The following SLC8A1 variants were observed in gnomAD, a reference collection of about 807,000 sequenced individuals.
SLC8A1 encodes the protein solute carrier family 8 member A1.
SLC8A1 carries 18 observed loss-of-function variants against 68.3 expected under a neutral mutation model. The observed-to-expected ratio is 0.26, with a 90% CI of 0.18 to 0.39. The LOEUF is 0.39. Ranked by LOEUF, SLC8A1 falls within the 10% of genes least tolerant of loss-of-function variation. The probability of loss-of-function intolerance (pLI) is 1.00; values close to 1 mark genes in which losing one functional copy is unlikely to be tolerated. For missense variants in SLC8A1, 985 were observed against 1,156.7 expected, an observed-to-expected ratio of 0.85 and a Z score of 2.15; for synonymous variants, 475 against 415.5, an observed-to-expected ratio of 1.14 and a Z score of -1.74.
chr2:40,122,195 C>T (rs1226510382), intron 7 of SLC8A1, among the ~76,000 whole-genome samples: 2 of 116,094 alleles, frequency 1.7e-5, no homozygotes, highest in Non-Finnish European at 3.9e-5. Flanking sequence ...CTCACAAGTG[C>T]ATGCGCGCGC....
intron 7 of SLC8A1, 148 bp downstream of exon 10, chr2:40,139,253 G>A (rs957874860): frequency 5.3e-5 from 46 of 862,304 alleles, no homozygotes; most frequent in South Asian, 5.4e-5. Context: ...ACAATGTTCC[G>A]GCAGTAACAT....
chr2:40,223,180 G>A (rs183220311), intron 2 of SLC8A1, among the ~76,000 whole-genome samples: 16 of 152,276 alleles, frequency 1.1e-4, no homozygotes, highest in African/African-American at 3.6e-4. Context: ...GGAATACTAT[G>A]CAGCCATAAA....
exon 8 of SLC8A1, chr2:40,106,957 C>T (rs2125041829): frequency 6.6e-6 from 1 of 152,220 alleles, no homozygotes; most frequent in South Asian, 2.1e-4. Context: ...TCTCAGGTAC[C>T]AACTGTTTGA....
At chr2:40,279,184 C>A (rs2067172872) in intron 2 of SLC8A1, among the ~76,000 whole-genome samples, 1 of 152,188 alleles carries the variant, frequency 6.6e-6, no homozygotes, top group Non-Finnish European at 1.5e-5. Context: ...AATCCAGGAG[C>A]CGATCTGATC....
At chr2:40,327,803 G>T (rs1357870737) in intron 2 of SLC8A1, among the ~76,000 whole-genome samples, 1 of 152,094 alleles carries the variant, frequency 6.6e-6, no homozygotes, top group Non-Finnish European at 1.5e-5. Context: ...TGGATACTAT[G>T]GTCCCTACCT....
At chr2:40,443,647 A>G (rs1351544090) in intron 1 of SLC8A1, among the ~76,000 whole-genome samples, 1 of 152,192 alleles carries the variant, frequency 6.6e-6, no homozygotes, top group Non-Finnish European at 1.5e-5. Context: ...CCACACTTAT[A>G]GGGTCAATGT....
At chr2:40,419,474 C>G (rs1317001914) in intron 2 of SLC8A1, among the ~76,000 whole-genome samples, 2 of 151,920 alleles carry the variant, frequency 1.3e-5, no homozygotes, top group Non-Finnish European at 2.9e-5. Flanking sequence ...TGTCTCCTTT[C>G]TCTCCCCCTC....
At chr2:40,260,618 T>A (rs903778151) in intron 2 of SLC8A1, among the ~76,000 whole-genome samples, 1 of 152,162 alleles carries the variant, frequency 6.6e-6, no homozygotes, top group Admixed American at 6.5e-5. Flanking sequence ...TAATAGGAAT[T>A]CAAGCTTCCA....
At chr2:40,147,979 C>T (rs1184659615) in intron 6 of SLC8A1, among the ~76,000 whole-genome samples, 1 of 152,154 alleles carries the variant, frequency 6.6e-6, no homozygotes, top group Non-Finnish European at 1.5e-5. Flanking sequence ...AAATGACTTG[C>T]TTATGAGATC....
Position 40,443,294 on chromosome 2 carries a change from C to T in SLC8A1, c.-25+8610G>A, listed in dbSNP as rs1316910743. 4.6e-5 allele frequency among the ~76,000 whole-genome samples: 7 copies of T among 152,020 alleles called. No individual in the cohort carries two copies. In the East Asian group the frequency reaches 1.2e-3, roughly 25 times the overall value. Reference sequence around the variant, plus strand: ...AAAAAGAAATCCATAATTATTAACTCGAATAAATGGCTATGGAAGTAAAAA... The same window carrying T: ...AAAAAGAAATCCATAATTATTAACTTGAATAAATGGCTATGGAAGTAAAAA... On this transcript the variant is annotated intron_variant, in intron 1 of 7. Transcript: ENST00000406785.
rs547397659 is a variant in SLC8A1 at position 40,171,567 on chromosome 2, G to T, written c.1930+3258C>A. 2.4e-4 allele frequency among the ~76,000 whole-genome samples: 36 copies of T among 152,282 alleles called. 1 individual carries two copies. The East Asian group carries it at 6.8e-3, about 29-fold the overall frequency. On this transcript the variant is annotated intron_variant, in intron 4 of 7. Coordinates refer to ENST00000406785, the Ensembl canonical transcript of SLC8A1. ...AATTTATTAGATACATGTGGGTTTT[G>T]AGTAGAAAAGGGGTTCAATGTATAA...
In SLC8A1 at chr2:40,234,624, T is replaced by G. The variant is rs932413590; in HGVS notation, c.1809-56769A>C. On this transcript the variant is annotated intron_variant, in intron 2 of 7. Transcript: ENST00000406785. ...CCTGCCTAATTGCCCTGGCCAGAAC[T>G]TCCAACAATATGTTGAATAGGAGTG... Among the ~76,000 whole-genome samples, 1,020 of 152,310 alleles carry G rather than the reference T, an allele frequency of 6.7e-3. 2 individuals are homozygous for G. The highest frequency in any genetic ancestry group is 0.054 in the Middle Eastern group (16 of 294).
chr2:40,391,813 G>A (rs367978726), intron 2 of SLC8A1, among the ~76,000 whole-genome samples: 13 of 152,096 alleles, frequency 8.5e-5, no homozygotes, highest in Admixed American at 3.9e-4. Context: ...ACCACATCAC[G>A]CAAAGACCAA....
At chr2:40,199,701 C>T (rs1283430822) in intron 2 of SLC8A1, among the ~76,000 whole-genome samples, 1 of 151,730 alleles carries the variant, frequency 6.6e-6, no homozygotes, top group Non-Finnish European at 1.5e-5. Flanking sequence ...TTTAGAAAAA[C>T]ACAATTACAA....
chr2:40,170,671 A>G (rs1304337972), intron 4 of SLC8A1, among the ~76,000 whole-genome samples: 1 of 152,200 alleles, frequency 6.6e-6, no homozygotes, highest in Non-Finnish European at 1.5e-5. Context: ...AAGGTCCTTC[A>G]AGGTACCGCT....
chr2:40,116,084 G>C (rs190238261), intron 7 of SLC8A1, among the ~76,000 whole-genome samples: 1 of 152,074 alleles, frequency 6.6e-6, no homozygotes, highest in African/African-American at 2.4e-5. Context: ...CTAAAGTTTC[G>C]GAACAGCTGC....
intron 2 of SLC8A1, among the ~76,000 whole-genome samples, chr2:40,313,907 AATTAAAT>A (rs539930626): frequency 5.1e-4 from 77 of 152,178 alleles, no homozygotes; most frequent in Admixed American, 4.1e-3. Flanking sequence ...TTTGAGCATT[AATTAAAT>A]ATTCTGATAT....
At chr2:40,224,440 G>A (rs150184459) in intron 2 of SLC8A1, among the ~76,000 whole-genome samples, 1 of 152,176 alleles carries the variant, frequency 6.6e-6, no homozygotes, top group East Asian at 1.9e-4. Context: ...GAATACGAGG[G>A]AGATAACACA....
At chr2:40,410,614 C>T (rs866495402) in intron 2 of SLC8A1, among the ~76,000 whole-genome samples, 1 of 151,840 alleles carries the variant, frequency 6.6e-6, no homozygotes, top group South Asian at 2.1e-4. Context: ...ACATGTATAA[C>T]ATGATATTTT....
Sources: gnomAD v4.1 joint callset for allele counts (sites outside exome capture counted in the v4.1 genomes callset) on GRCh38, gnomAD v4.1.1 for gene constraint, MANE v1.5 for transcripts, NCBI Gene and HGNC (gene_info 2026-07-23, HGNC 2026-07-21) for gene names.